Variants in BCAP31 observed in about 807,000 individuals in gnomAD.
The protein encoded by BCAP31 is B-cell receptor-associated protein 31.
For synonymous variants in BCAP31, 75 were observed against 80.9 expected, an observed-to-expected ratio of 0.93 and a Z score of 0.39; for missense variants, 124 against 193.0, an observed-to-expected ratio of 0.64 and a Z score of 2.12.
intron 4 of BCAP31, among the ~76,000 whole-genome samples, chrX:153,705,649 G>A (rs1209851897): frequency 7.1e-5 from 8 of 112,594 alleles, no homozygotes; most frequent in African/African-American, 2.6e-4. Context: ...CATCGGCATG[G>A]CCAGAAGTCA....
chrX:153,709,767 G>A (rs1183742024), intron 4 of BCAP31, among the ~76,000 whole-genome samples: 4 of 113,137 alleles, frequency 3.5e-5, no homozygotes, highest in East Asian at 2.8e-4. Flanking sequence ...AGCTGTCGCC[G>A]TCAGCCCGGG....
intron 4 of BCAP31, among the ~76,000 whole-genome samples, chrX:153,712,390 G>A (rs1372171559): frequency 3.1e-5 from 3 of 98,136 alleles, no homozygotes; most frequent in East Asian, 3.1e-4. Context: ...GTGATGGAGC[G>A]AGACCTTGTC....
Position 153,702,979 on chromosome X carries a change from G to C in BCAP31, c.557C>G (p.Ala186Gly). ...CTCGTCCTTTAGCTTCTGCAGGTCAGCCTTCAGGCTCCTGTTCTCTTCCTC... is the reference window on the plus strand; with the variant it reads ...CTCGTCCTTTAGCTTCTGCAGGTCACCCTTCAGGCTCCTGTTCTCTTCCTC... Reference protein sequence around the residue: ...KLEEENRSLKADLQKLKDELA... With the variant: ...KLEEENRSLKGDLQKLKDELA... Residue 186 changes from alanine (A) to glycine (G), a missense_variant, in exon 6 of 8, where the codon GCT becomes GGT. Transcript: ENST00000345046. 8.3e-7 allele frequency: 1 copy of C among 1,210,280 alleles called. No individual in the cohort carries two copies. The highest frequency in any genetic ancestry group is 1.1e-6 in the Non-Finnish European group (1 of 895,313).
At chrX:153,704,207 C>T (rs2091538704) in intron 4 of BCAP31, 113 bp from the exon 5 acceptor site, 1 of 865,650 alleles carries the variant, frequency 1.2e-6, no homozygotes, top group Admixed American at 3.3e-5. Context: ...GACCTGCCCT[C>T]TTGCCAAGGC....
chrX:153,700,642 G>A lies in BCAP31; in HGVS notation c.*295C>T, dbSNP rs1195049667. The A allele has an allele frequency of 1.5e-5, 4 of 273,399 alleles. No homozygotes were observed. The highest frequency in any genetic ancestry group is 2.5e-5 in the Non-Finnish European group (4 of 157,178). 22.5% of individuals were successfully genotyped at this position (273,399 alleles called of 1,213,427 possible). On this transcript the variant is annotated 3_prime_UTR_variant, in exon 8 of 8. Transcript: ENST00000345046. ...AGGAAGTCAGCCCCACCGCAAGCCGGACTACAACTAACTCGTGCTCTCCAC... is the reference window on the plus strand; with the variant it reads ...AGGAAGTCAGCCCCACCGCAAGCCGAACTACAACTAACTCGTGCTCTCCAC...
At chrX:153,704,148 G>A in intron 4 of BCAP31, 54 bp from the exon 5 acceptor site, 7 of 1,154,712 alleles carry the variant, frequency 6.1e-6, no homozygotes, top group Non-Finnish European at 8.1e-6. Flanking sequence ...ATGAAGGGCT[G>A]GCAGGAGCAC....
At chrX:153,715,752 C>T in intron 3 of BCAP31, 63 bp from the exon 4 acceptor site, 1 of 1,162,463 alleles carries the variant, frequency 8.6e-7, no homozygotes, top group Non-Finnish European at 1.2e-6. Flanking sequence ...TAAGGCCATA[C>T]CAGGCAGACA....
chrX:153,720,695 C>T (rs1467256884), intron 3 of BCAP31, among the ~76,000 whole-genome samples, 177 bp downstream of exon 3: 1 of 112,166 alleles, frequency 8.9e-6, no homozygotes, highest in Non-Finnish European at 1.9e-5. Context: ...AACCGACTAG[C>T]GGTCAGCAGC....
chrX:153,724,008 G>A (rs192772580), intron 1 of BCAP31: 8 of 364,555 alleles, frequency 2.2e-5, no homozygotes, highest in African/African-American at 7.7e-5. Context: ...GAAGCCAGGG[G>A]TCCTTACAGT....
At chrX:153,715,517 C>T in intron 4 of BCAP31, 25 bp downstream of exon 4, 1 of 1,208,213 alleles carries the variant, frequency 8.3e-7, no homozygotes, top group African/African-American at 1.7e-5. Flanking sequence ...TTTCACAGCA[C>T]CTGCCCCCTC....
At chrX:153,713,101 G>A (rs1177006091) in intron 4 of BCAP31, among the ~76,000 whole-genome samples, 5 of 111,339 alleles carry the variant, frequency 4.5e-5, no homozygotes, top group African/African-American at 1.3e-4. Context: ...CAGCTACTTG[G>A]GAGGCTGAGA....
chrX:153,709,396 G>C (rs1364649417), intron 4 of BCAP31, among the ~76,000 whole-genome samples: 1 of 112,120 alleles, frequency 8.9e-6, no homozygotes, highest in African/African-American at 3.2e-5. Context: ...CCTGCGACTG[G>C]CTGCTAACCA....
chrX:153,713,683 C>T lies in BCAP31; in HGVS notation c.341+1859G>A, dbSNP rs782633193. ...CAACAGCTTCTGGACATAATCTCAT[C>T]AAGTACATCCTTTAGGGATGCCACT... On this transcript the variant is annotated intron_variant, in intron 4 of 7. Coordinates refer to ENST00000345046, the MANE Select transcript of BCAP31 (RefSeq NM_001256447.2). Among the ~76,000 whole-genome samples the T allele has an allele frequency of 1.3e-4, 14 of 110,727 alleles. No homozygotes were observed. In the East Asian group the frequency reaches 3.7e-3, roughly 29 times the overall value.
chrX:153,702,796 G>T, intron 6 of BCAP31, 139 bp downstream of exon 6: 1 of 895,314 alleles, frequency 1.1e-6, no homozygotes, highest in Non-Finnish European at 1.5e-6. Context: ...GGCGCAGGGT[G>T]CTATTGGTCT....
intron 4 of BCAP31, among the ~76,000 whole-genome samples, chrX:153,710,078 A>G (rs1423581882): frequency 8.9e-6 from 1 of 112,276 alleles, no homozygotes; most frequent in Non-Finnish European, 1.9e-5. Context: ...GAGGTCCCCA[A>G]AATGCTCAGA....
At chrX:153,710,990 A>C (rs1557049076) in intron 4 of BCAP31, among the ~76,000 whole-genome samples, 1 of 111,089 alleles carries the variant, frequency 9.0e-6, no homozygotes, top group Non-Finnish European at 1.9e-5. Context: ...GACTGCCCGG[A>C]AGCACCCTAT....
chrX:153,714,470 A>C (rs1025688944), intron 4 of BCAP31, among the ~76,000 whole-genome samples: 5 of 111,310 alleles, frequency 4.5e-5, no homozygotes, highest in African/African-American at 1.6e-4. Flanking sequence ...CTGTGATCAA[A>C]CCCATTATCT....
intron 4 of BCAP31, among the ~76,000 whole-genome samples, chrX:153,712,756 AT>A (rs782088785): frequency 5.8e-4 from 65 of 112,215 alleles, no homozygotes; most frequent in Non-Finnish European, 1.0e-3. Context: ...CTAGTTAATC[AT>A]TTCTGGAATT....
chrX:153,721,124 T>C (rs918835888), intron 2 of BCAP31, 152 bp from the exon 3 acceptor site: 16 of 461,339 alleles, frequency 3.5e-5, no homozygotes, highest in Non-Finnish European at 5.6e-5. Flanking sequence ...ATTCTCTAAT[T>C]TGACATCCAT....
Sources: allele counts gnomAD v4.1 joint callset (sites outside exome capture counted in the v4.1 genomes callset), GRCh38; gene constraint gnomAD v4.1.1; transcripts MANE v1.5; gene names NCBI Gene and HGNC (gene_info 2026-07-23, HGNC 2026-07-21).